SUPT3H: variants seen among roughly 807,000 people sequenced by gnomAD.
SUPT3H encodes the protein transcription initiation protein SPT3 homolog.
A neutral mutation model predicts 44.3 loss-of-function variants in SUPT3H; 44 were observed. That is an observed-to-expected ratio of 0.99 (90% CI 0.78 to 1.28). SUPT3H has a LOEUF of 1.28. Among genes scored for constraint, SUPT3H ranks in the 50% most tolerant of loss-of-function variants. SUPT3H has a pLI of 0.00. For synonymous variants in SUPT3H, 124 were observed against 125.6 expected, an observed-to-expected ratio of 0.99 and a Z score of 0.09; for missense variants, 380 against 387.1, an observed-to-expected ratio of 0.98 and a Z score of 0.15.
At chr6:45,336,389 G>C (rs1300684841) in intron 2 of SUPT3H, among the ~76,000 whole-genome samples, 1 of 151,296 alleles carries the variant, frequency 6.6e-6, no homozygotes, top group Non-Finnish European at 1.5e-5. Flanking sequence ...AAAGTGATCT[G>C]TTTTTAACAT....
At chr6:44,820,060 C>CA (rs1337967663) in intron 11 of SUPT3H, among the ~76,000 whole-genome samples, 2 of 150,386 alleles carry the variant, frequency 1.3e-5, no homozygotes, top group African/African-American at 4.9e-5. Context: ...CTGTCTCTAC[C>CA]AAAAAAATAT....
intron 2 of SUPT3H, among the ~76,000 whole-genome samples, chr6:45,239,293 T>C (rs1221400298): frequency 6.6e-6 from 1 of 152,230 alleles, no homozygotes; most frequent in Non-Finnish European, 1.5e-5. Context: ...AGCTCATACA[T>C]GTCTTCCAGG....
chr6:45,225,712 T>C (rs1309865883), intron 2 of SUPT3H, among the ~76,000 whole-genome samples: 1 of 152,194 alleles, frequency 6.6e-6, no homozygotes, highest in Non-Finnish European at 1.5e-5. Flanking sequence ...ATCCACTTTT[T>C]AACAGAGTCT....
chr6:45,230,273 G>A (rs940110309), intron 2 of SUPT3H, among the ~76,000 whole-genome samples: 9 of 152,052 alleles, frequency 5.9e-5, no homozygotes, highest in African/African-American at 1.9e-4. Flanking sequence ...TAAGTCTAAC[G>A]TTTCTTTATA....
intron 2 of SUPT3H, among the ~76,000 whole-genome samples, chr6:45,111,300 T>G (rs1291579439): frequency 6.6e-6 from 1 of 152,124 alleles, no homozygotes; most frequent in Non-Finnish European, 1.5e-5. Flanking sequence ...CAAAGTGCTA[T>G]GATTATAGGC....
chr6:45,208,336 A>C (rs891988027), intron 2 of SUPT3H, among the ~76,000 whole-genome samples: 1 of 152,238 alleles, frequency 6.6e-6, no homozygotes, highest in Admixed American at 6.5e-5. Context: ...TCCATAACAT[A>C]AAAGTGCAAG....
At chr6:45,175,968 T>C (rs933299549) in intron 2 of SUPT3H, among the ~76,000 whole-genome samples, 3 of 152,160 alleles carry the variant, frequency 2.0e-5, no homozygotes, top group African/African-American at 7.2e-5. Context: ...AGCAGATATC[T>C]CCAATATAAC....
Position 45,146,869 on chromosome 6 carries a change from G to A in SUPT3H, c.102-40863C>T, listed in dbSNP as rs1315048731. 2.0e-5 allele frequency among the ~76,000 whole-genome samples: 3 copies of A among 152,026 alleles called. No individual in the cohort carries two copies. In the East Asian group the frequency reaches 5.8e-4, roughly 29 times the overall value. On this transcript the variant is annotated intron_variant, in intron 2 of 10. Coordinates refer to ENST00000371459, the MANE Select transcript of SUPT3H (RefSeq NM_003599.4). ...ATGGTATAAGCAAAGATGCTCCAGA[G>A]CAATGGTAGGAAAAAAGTCCTTGAA...
intron 2 of SUPT3H, among the ~76,000 whole-genome samples, chr6:45,292,383 A>G (rs1214553670): frequency 6.6e-6 from 1 of 152,176 alleles, no homozygotes; most frequent in Admixed American, 6.5e-5. Context: ...ATACAATTTT[A>G]AAAAACAAAA....
chr6:45,289,953 C>T (rs1780050102), intron 2 of SUPT3H, among the ~76,000 whole-genome samples: 1 of 152,146 alleles, frequency 6.6e-6, no homozygotes, highest in Non-Finnish European at 1.5e-5. Context: ...GAGGCTGACG[C>T]AGGAGGACTG....
rs577979089 is a variant in SUPT3H at position 45,124,606 on chromosome 6, C to G, written c.102-18600G>C. Among the ~76,000 whole-genome samples the G allele has an allele frequency of 1.9e-4, 28 of 148,842 alleles. No individual in the cohort carries two copies. The South Asian group carries it at 5.8e-3, about 31-fold the overall frequency. On this transcript the variant is annotated intron_variant, in intron 2 of 10. Coordinates refer to ENST00000371459, the MANE Select transcript of SUPT3H (RefSeq NM_003599.4). ...GTTGCAGCAAGCTGAGATTGCAGCA[C>G]TGCACTCCAGGCTAACAGAGACTCC...
At position 45,204,075 on chromosome 6, in the gene SUPT3H, C is replaced by T. The variant is rs554535832; in HGVS notation, c.102-98069G>A. On this transcript the variant is annotated intron_variant, in intron 2 of 10. Transcript: ENST00000371459. The stretch of plus-strand genomic sequence containing the variant: ...CCAGCTGGCCAACATTGTGAAACCC[C>T]ATCTCTACTAAAAATACAAAAATTC... Among the ~76,000 whole-genome samples, 5 of 152,048 alleles carry T rather than the reference C, an allele frequency of 3.3e-5. No individual in the cohort carries two copies. In the South Asian group the frequency reaches 1.0e-3, roughly 32 times the overall value.
intron 1 of SUPT3H, among the ~76,000 whole-genome samples, chr6:45,376,924 T>G (rs569842699): frequency 1.3e-5 from 2 of 151,870 alleles, no homozygotes; most frequent in Admixed American, 6.5e-5. Flanking sequence ...CACACATTTC[T>G]TTCTACCGAA....
chr6:45,306,669 C>T (rs941199725), intron 2 of SUPT3H, among the ~76,000 whole-genome samples: 2 of 152,162 alleles, frequency 1.3e-5, no homozygotes, highest in Non-Finnish European at 2.9e-5. Context: ...TCCAAGATGG[C>T]CGAATAGGAA....
intron 3 of SUPT3H, among the ~76,000 whole-genome samples, chr6:45,040,364 A>T (rs943874498): frequency 6.6e-6 from 1 of 152,214 alleles, no homozygotes; most frequent in Non-Finnish European, 1.5e-5. Context: ...AACAAAAACG[A>T]GCAGTACTGA....
chr6:44,974,393 T>C (rs1242114427), intron 6 of SUPT3H, among the ~76,000 whole-genome samples: 1 of 152,076 alleles, frequency 6.6e-6, no homozygotes, highest in Non-Finnish European at 1.5e-5. Flanking sequence ...AAACCAGAGA[T>C]GCTTTGATAG....
At chr6:44,861,398 T>C (rs954204218) in intron 10 of SUPT3H, among the ~76,000 whole-genome samples, 1 of 152,046 alleles carries the variant, frequency 6.6e-6, no homozygotes, top group Non-Finnish European at 1.5e-5. Flanking sequence ...TCTTTTTGTT[T>C]TTTTTTGAGA....
At chr6:45,098,258 G>C in intron 3 of SUPT3H, 1 of 158,066 alleles carries the variant, frequency 6.3e-6, no homozygotes, top group Non-Finnish European at 1.4e-5. Flanking sequence ...AAGCATGTCT[G>C]TTAGGCCTAA....
intron 10 of SUPT3H, among the ~76,000 whole-genome samples, chr6:44,876,863 A>G (rs1260752579): frequency 6.6e-6 from 1 of 151,236 alleles, no homozygotes; most frequent in South Asian, 2.1e-4. Context: ...AAAAGAAAAA[A>G]AAAGTGTATG....
Sources: allele counts gnomAD v4.1 joint callset (sites outside exome capture counted in the v4.1 genomes callset), GRCh38; gene constraint gnomAD v4.1.1; transcripts MANE v1.5; gene names NCBI Gene and HGNC (gene_info 2026-07-23, HGNC 2026-07-21).